The following EXOSC1 variants were observed in gnomAD, a reference collection of about 807,000 sequenced individuals.
EXOSC1 encodes exosome complex component CSL4.
Under a neutral mutation model 31.4 loss-of-function variants are expected in EXOSC1, and 27 were observed. That is an observed-to-expected ratio of 0.86 (90% CI 0.63 to 1.18). The LOEUF is 1.18. Among genes scored for constraint, EXOSC1 ranks in the 50% most tolerant of loss-of-function variants. The probability of loss-of-function intolerance (pLI) is 0.00; values close to 1 mark genes in which losing one functional copy is unlikely to be tolerated. For synonymous variants in EXOSC1, 84 were observed against 89.5 expected, an observed-to-expected ratio of 0.94 and a Z score of 0.35; for missense variants, 228 against 250.3, an observed-to-expected ratio of 0.91 and a Z score of 0.60.
chr10:97,438,830 C>T lies in EXOSC1; in HGVS notation c.312-127G>A, dbSNP rs1845630223. 4.4e-6 allele frequency: 3 copies of T among 684,924 alleles called. No homozygotes were observed. The East Asian group carries it at 7.9e-5, about 18-fold the overall frequency. The allele number at this position is 684,924 out of a possible 1,614,324, so 42.4% of individuals were successfully genotyped here. On this transcript the variant is annotated intron_variant, in intron 4 of 7. Coordinates refer to ENST00000370902, the MANE Select transcript of EXOSC1 (RefSeq NM_016046.5). ...TACAGTGGCGCAATTTTGCTCACTG[C>T]AACCTCCGCCTCCTGGGTTCAAGCA...
At chr10:97,440,475 A>G (rs1327714282) in intron 4 of EXOSC1, among the ~76,000 whole-genome samples, 1 of 151,494 alleles carries the variant, frequency 6.6e-6, no homozygotes, top group Non-Finnish European at 1.5e-5. Flanking sequence ...CAGCTCCACA[A>G]GTAGCTGGGA....
At position 97,446,004 on chromosome 10, in the gene EXOSC1, A is replaced by G. The variant is rs764884080; in HGVS notation, c.-19T>C. The G allele has an allele frequency of 6.2e-7, 1 of 1,614,150 alleles. No individual in the cohort carries two copies. The highest frequency in any genetic ancestry group is 8.5e-7 in the Non-Finnish European group (1 of 1,180,038). ...GCGCCATGATTGCCGCTGTCCCAAAACCAGGATGAAAACGAAGTCGATTTC... is the reference window on the plus strand; with the variant it reads ...GCGCCATGATTGCCGCTGTCCCAAAGCCAGGATGAAAACGAAGTCGATTTC... On this transcript the variant is annotated 5_prime_UTR_variant, in exon 1 of 8. Transcript: ENST00000370902.
At chr10:97,437,663 G>C in intron 6 of EXOSC1, 37 bp downstream of exon 6, 1 of 1,602,830 alleles carries the variant, frequency 6.2e-7, no homozygotes. Flanking sequence ...CTCTTCTTTT[G>C]ACAAAGGACC....
Position 97,436,454 on chromosome 10 carries a change from C to CA in EXOSC1, c.578dup (p.Leu193PhefsTer15). 6.2e-7 allele frequency: 1 copy of CA among 1,612,682 alleles called. No homozygotes were observed. The highest frequency in any genetic ancestry group is 8.5e-7 in the Non-Finnish European group (1 of 1,179,152). The stretch of plus-strand genomic sequence containing the variant: ...GGTAAAAAGTGGCTTCTTAGGTCTG[C>CA]AAGAATTCGGGTTGTACTCGGGCTA... On this transcript the variant is annotated frameshift_variant, in exon 8 of 8. Transcript: ENST00000370902. LOFTEE classifies it high-confidence loss of function.
intron 2 of EXOSC1, 194 bp downstream of exon 2, chr10:97,445,538 C>G: frequency 1.7e-6 from 1 of 584,976 alleles, no homozygotes; most frequent in Non-Finnish European, 3.0e-6. Flanking sequence ...AGCAGCACAA[C>G]CAAGCGAGAT....
intron 2 of EXOSC1, 147 bp downstream of exon 2, chr10:97,445,585 G>A: frequency 2.9e-6 from 2 of 694,194 alleles, no homozygotes; most frequent in Non-Finnish European, 4.8e-6. Flanking sequence ...GTGCACCACA[G>A]CGGCGATACG....
intron 5 of EXOSC1, 86 bp downstream of exon 5, chr10:97,438,582 GGT>G: frequency 1.6e-6 from 2 of 1,234,078 alleles, no homozygotes; most frequent in Non-Finnish European, 2.4e-6. Flanking sequence ...TGGGATTACG[GGT>G]GTGTGTGACC....
Position 97,443,319 on chromosome 10 carries a change from G to A in EXOSC1, c.148-8C>T, listed in dbSNP as rs1225226715. The A allele has an allele frequency of 4.3e-6, 7 of 1,612,474 alleles. No homozygotes were observed. The highest frequency in any genetic ancestry group is 5.9e-6 in the Non-Finnish European group (7 of 1,179,482). ...TACAGACACCACTGGAAGCTACAGA[G>A]GGAACAACAAAAAACTGAAATGTCC... is the stretch of plus-strand genomic sequence containing the variant. On this transcript the variant is annotated splice_region_variant and splice_polypyrimidine_tract_variant and intron_variant, in intron 2 of 7. Transcript: ENST00000370902.
At chr10:97,439,164 T>C (rs1233646446) in intron 4 of EXOSC1, among the ~76,000 whole-genome samples, 1 of 152,154 alleles carries the variant, frequency 6.6e-6, no homozygotes, top group East Asian at 1.9e-4. Flanking sequence ...TGGAGAAGCA[T>C]CCTCAGACCA....
chr10:97,443,261 A>G lies in EXOSC1; in HGVS notation c.198T>C (p.Asp66=). ...VRETESQLLP[D]VGAIVTCKVS... ...CCTTACAGGTTACAATAGCTCCCAC[A>G]TCTGGCAGTAACTGGGACTCTGTTT... The change falls in exon 3 of 8, where the codon GAT becomes GAC. Residue 66 remains aspartate, a synonymous_variant. Transcript: ENST00000370902. The G allele has an allele frequency of 1.2e-6, 2 of 1,614,182 alleles. No homozygotes were observed. Among genetic ancestry groups the G allele is most frequent in the Non-Finnish European group, 1.7e-6 (2 of 1,180,008 alleles).
chr10:97,437,738 T>G lies in EXOSC1; in HGVS notation c.358A>C (p.Lys120Gln), dbSNP rs772985125. The G allele has an allele frequency of 4.3e-6, 7 of 1,613,092 alleles. No individual in the cohort carries two copies. Among genetic ancestry groups the G allele is most frequent in the Non-Finnish European group, 5.9e-6 (7 of 1,179,408 alleles). The change falls in exon 6 of 8, where the codon AAG becomes CAG. Residue 120 changes from lysine to glutamine, a missense_variant. Lys to Gln is a moderately conservative substitution (Grantham distance 53, BLOSUM62 1). Coordinates refer to ENST00000370902, the MANE Select transcript of EXOSC1 (RefSeq NM_016046.5). ...ACAATGTCACCTGGGCGGAAACTCT[T>G]ATAAATTTCAACCTGTAAAGAAAGA... ...ATEKDKVEIY[K>Q]SFRPGDIVLA...
At chr10:97,437,795 G>T in intron 5 of EXOSC1, 45 bp from the exon 6 acceptor site, 11 of 1,538,912 alleles carry the variant, frequency 7.1e-6, no homozygotes, top group Non-Finnish European at 9.9e-6. Context: ...TCTAGACTGG[G>T]TCTATATGAA....
intron 7 of EXOSC1, 28 bp from the exon 8 acceptor site, chr10:97,436,579 C>A: frequency 6.4e-7 from 1 of 1,562,280 alleles, no homozygotes; most frequent in Non-Finnish European, 8.6e-7. Flanking sequence ...GTGGTGGAGC[C>A]CAGACCCCAA....
intron 3 of EXOSC1, 109 bp from the exon 4 acceptor site, chr10:97,441,368 T>C (rs1023184276): frequency 1.2e-6 from 1 of 803,230 alleles, no homozygotes; most frequent in Non-Finnish European, 2.0e-6. Context: ...CCCTACTAAG[T>C]AGAGAATTTA....
chr10:97,439,235 G>A (rs541968632), intron 4 of EXOSC1, among the ~76,000 whole-genome samples: 2 of 152,302 alleles, frequency 1.3e-5, no homozygotes, highest in South Asian at 4.1e-4. Flanking sequence ...TGGCAAGAAA[G>A]GATAAGGAAT....
intron 3 of EXOSC1, among the ~76,000 whole-genome samples, chr10:97,441,952 G>GC (rs1488470436): frequency 6.7e-6 from 1 of 150,112 alleles, no homozygotes; most frequent in Non-Finnish European, 1.5e-5. Context: ...TGAGGTGGGC[G>GC]CATCACTTGA....
At position 97,439,661 on chromosome 10, in the gene EXOSC1, G is replaced by C. The variant is rs200027055; in HGVS notation, c.312-958C>G. 1.7e-4 allele frequency among the ~76,000 whole-genome samples: 26 copies of C among 152,230 alleles called. 1 individual carries two copies. In the East Asian group the frequency reaches 5.0e-3, roughly 29 times the overall value. ...ACAGTGTAATAATAACAGAAATAAA[G>C]TGCACCATAAATGTAATGCACTTGA... On this transcript the variant is annotated intron_variant, in intron 4 of 7. Coordinates refer to ENST00000370902, the MANE Select transcript of EXOSC1 (RefSeq NM_016046.5).
At chr10:97,439,598 A>G (rs943541626) in intron 4 of EXOSC1, among the ~76,000 whole-genome samples, 3 of 152,220 alleles carry the variant, frequency 2.0e-5, no homozygotes, top group Non-Finnish European at 4.4e-5. Flanking sequence ...CGCTGATTCT[A>G]TATTATGGTG....
intron 4 of EXOSC1, among the ~76,000 whole-genome samples, chr10:97,439,963 C>G (rs1845662519): frequency 6.6e-6 from 1 of 151,796 alleles, no homozygotes; most frequent in South Asian, 2.1e-4. Context: ...TCCTAAAATG[C>G]CTTCTACTTT....
Sources: gnomAD v4.1 joint callset for allele counts (sites outside exome capture counted in the v4.1 genomes callset) on GRCh38, gnomAD v4.1.1 for gene constraint, MANE v1.5 for transcripts, NCBI Gene and HGNC (gene_info 2026-07-23, HGNC 2026-07-21) for gene names.